The following CHRM3 variants were observed in gnomAD, a reference collection of about 807,000 sequenced individuals.
CHRM3 encodes cholinergic receptor muscarinic 3.
Under a neutral mutation model 41.8 loss-of-function variants are expected in CHRM3, and 11 were observed. That is an observed-to-expected ratio of 0.26 (90% CI 0.17 to 0.44). The LOEUF is 0.44. Among genes scored for constraint, CHRM3 ranks in the 20% least tolerant of loss-of-function variants. The pLI is 1.00. For synonymous variants in CHRM3, 297 were observed against 301.4 expected (o/e 0.99, Z 0.15); for missense variants, 571 against 745.4 (o/e 0.77, Z 2.72).
intron 3 of CHRM3, among the ~76,000 whole-genome samples, chr1:239,603,035 T>C (rs1323429039): frequency 6.6e-6 from 1 of 152,160 alleles, no homozygotes; most frequent in East Asian, 1.9e-4. Context: ...CCCCAGCCTC[T>C]GGCAACCACC....
intron 6 of CHRM3, among the ~76,000 whole-genome samples, chr1:239,900,636 C>G (rs1408665435): frequency 6.6e-6 from 1 of 151,936 alleles, no homozygotes; most frequent in Non-Finnish European, 1.5e-5. Context: ...TGGGGAGCAC[C>G]AGGAATGTAC....
intron 4 of CHRM3, among the ~76,000 whole-genome samples, chr1:239,675,753 T>C (rs751350877): frequency 4.6e-5 from 7 of 152,170 alleles, no homozygotes; most frequent in Non-Finnish European, 1.0e-4. Flanking sequence ...GGTGAGGCAG[T>C]TTGGGGGCTG....
intron 5 of CHRM3, among the ~76,000 whole-genome samples, chr1:239,746,851 G>A (rs974148867): frequency 1.3e-5 from 2 of 151,770 alleles, no homozygotes; most frequent in Admixed American, 6.6e-5. Context: ...TCTGCCTCCC[G>A]GGTTCAAGTG....
chr1:239,877,424 TA>T (rs11317539), intron 6 of CHRM3, among the ~76,000 whole-genome samples: 140,342 of 150,334 alleles, frequency 0.93, 66,179 homozygotes, highest in Middle Eastern at 1. Flanking sequence ...TCTATAAAAA[TA>T]AAAAAAAAAA....
Position 239,558,268 on chromosome 1 carries a change from A to C in CHRM3, c.-313+12519A>C, listed in dbSNP as rs533421648. On this transcript the variant is annotated intron_variant, in intron 3 of 6. Transcript: ENST00000676153. ...TTTTTTTCATATGGTTGTTGGCTGCATGTATGTCTTCTTTTGAGAAGTGTC... is the reference window on the plus strand; with the variant it reads ...TTTTTTTCATATGGTTGTTGGCTGCCTGTATGTCTTCTTTTGAGAAGTGTC... Among the ~76,000 whole-genome samples the C allele has an allele frequency of 6.6e-5, 10 of 152,188 alleles. No individual in the cohort carries two copies. The South Asian group carries it at 2.1e-3, about 32-fold the overall frequency.
At chr1:239,400,209 G>T (rs890868143) in intron 1 of CHRM3, among the ~76,000 whole-genome samples, 2 of 152,140 alleles carry the variant, frequency 1.3e-5, no homozygotes, top group African/African-American at 2.4e-5. Context: ...ACTCTTGGCC[G>T]CTAGTTTTAT....
At chr1:239,668,934 AG>A (rs1462807478) in intron 4 of CHRM3, among the ~76,000 whole-genome samples, 1 of 152,220 alleles carries the variant, frequency 6.6e-6, no homozygotes, top group African/African-American at 2.4e-5. Context: ...AGAAACTGAA[AG>A]GGACATTAAT....
chr1:239,574,534 TACTTAACAG>T (rs1662147923), intron 3 of CHRM3, among the ~76,000 whole-genome samples: 1 of 152,104 alleles, frequency 6.6e-6, no homozygotes, highest in Non-Finnish European at 1.5e-5. Context: ...TAGACTACCC[TACTTAACAG>T]AGCAGCCTGT....
chr1:239,582,897 A>G (rs1435429719), intron 3 of CHRM3, among the ~76,000 whole-genome samples: 1 of 151,954 alleles, frequency 6.6e-6, no homozygotes, highest in Non-Finnish European at 1.5e-5. Flanking sequence ...TTTATGAGAC[A>G]CTCTCTGATC....
intron 3 of CHRM3, among the ~76,000 whole-genome samples, chr1:239,581,620 C>A (rs1662906461): frequency 6.6e-6 from 1 of 152,084 alleles, no homozygotes; most frequent in Admixed American, 6.6e-5. Flanking sequence ...TTGATTAACT[C>A]TGTTTAGAAT....
chr1:239,656,061 GT>G, intron 4 of CHRM3, among the ~76,000 whole-genome samples: 2 of 152,214 alleles, frequency 1.3e-5, no homozygotes, highest in African/African-American at 4.8e-5. Flanking sequence ...TAGAAACTGA[GT>G]TACTGTATGT....
chr1:239,700,952 C>T (rs1345898762), intron 5 of CHRM3, among the ~76,000 whole-genome samples: 1 of 152,134 alleles, frequency 6.6e-6, no homozygotes. Context: ...TGTGAACAGC[C>T]TGGAGGAAAA....
chr1:239,892,446 C>T (rs1421066583), intron 6 of CHRM3, among the ~76,000 whole-genome samples: 1 of 152,070 alleles, frequency 6.6e-6, no homozygotes, highest in Non-Finnish European at 1.5e-5. Context: ...CTGAACATGA[C>T]CTTGGAGTTT....
intron 1 of CHRM3, among the ~76,000 whole-genome samples, chr1:239,442,079 G>A (rs1023314343): frequency 2.0e-5 from 3 of 152,042 alleles, no homozygotes; most frequent in East Asian, 1.9e-4. Context: ...CAGTTCCACA[G>A]CAGGGTTCAG....
chr1:239,556,577 T>G (rs940047165), intron 3 of CHRM3, among the ~76,000 whole-genome samples: 5 of 152,136 alleles, frequency 3.3e-5, no homozygotes, highest in Non-Finnish European at 7.3e-5. Context: ...ACCTGCAAAA[T>G]GTAGCACACT....
chr1:239,877,003 C>T (rs907872576), intron 6 of CHRM3, among the ~76,000 whole-genome samples: 1 of 152,162 alleles, frequency 6.6e-6, no homozygotes, highest in African/African-American at 2.4e-5. Flanking sequence ...ACAGCAAGTG[C>T]AAAATGTCTG....
At chr1:239,589,477 CAT>C (rs1374139056) in intron 3 of CHRM3, among the ~76,000 whole-genome samples, 2 of 149,632 alleles carry the variant, frequency 1.3e-5, no homozygotes, top group South Asian at 2.1e-4. Flanking sequence ...TACATAGTTT[CAT>C]ATATATATAG....
chr1:239,503,995 C>T (rs578022856), intron 2 of CHRM3, among the ~76,000 whole-genome samples: 1 of 152,252 alleles, frequency 6.6e-6, no homozygotes, highest in African/African-American at 2.4e-5. Context: ...TCCTTCTAGA[C>T]ATTGGCTTAG....
At chr1:239,638,033 A>G (rs1382565706) in intron 4 of CHRM3, among the ~76,000 whole-genome samples, 41 of 150,866 alleles carry the variant, frequency 2.7e-4, no homozygotes, top group African/African-American at 9.2e-4. Context: ...TGTTCTTGCA[A>G]TAGTTTACTG....
Sources: gnomAD v4.1 joint callset for allele counts (sites outside exome capture counted in the v4.1 genomes callset) on GRCh38, gnomAD v4.1.1 for gene constraint, MANE v1.5 for transcripts, NCBI Gene and HGNC (gene_info 2026-07-23, HGNC 2026-07-21) for gene names.